KIAA1217: variants seen among roughly 807,000 people sequenced by gnomAD.
KIAA1217 encodes sickle tail protein homolog.
A neutral mutation model predicts 163.9 loss-of-function variants in KIAA1217; 88 were observed. The observed-to-expected ratio is 0.54, with a 90% CI of 0.45 to 0.64. The LOEUF is 0.64. KIAA1217 is among the 30% of genes least tolerant of loss of function. The probability of loss-of-function intolerance (pLI) is 0.00; values close to 1 mark genes in which losing one functional copy is unlikely to be tolerated. For missense variants in KIAA1217, 2,372 were observed against 2,475.0 expected (o/e 0.96, Z 0.88); for synonymous variants, 903 against 923.1 (o/e 0.98, Z 0.39).
chr10:23,984,693 A>C (rs536408759), intron 1 of KIAA1217, among the ~76,000 whole-genome samples: 1 of 152,084 alleles, frequency 6.6e-6, no homozygotes, highest in East Asian at 1.9e-4. Flanking sequence ...GTTCTCACTC[A>C]TAAGTGGGAG....
At chr10:23,848,262 A>G (rs1839136312) in intron 1 of KIAA1217, among the ~76,000 whole-genome samples, 2 of 152,014 alleles carry the variant, frequency 1.3e-5, no homozygotes, top group East Asian at 3.9e-4. Flanking sequence ...ACTCCTGATT[A>G]TCCTTGTTAA....
At chr10:24,103,009 G>A (rs536573256) in intron 2 of KIAA1217, among the ~76,000 whole-genome samples, 43 of 152,290 alleles carry the variant, frequency 2.8e-4, no homozygotes, top group African/African-American at 1.0e-3. Flanking sequence ...GCTGCCATGT[G>A]AGATGTGACT....
At chr10:23,716,973 C>T (rs1837611973) in intron 1 of KIAA1217, among the ~76,000 whole-genome samples, 1 of 151,962 alleles carries the variant, frequency 6.6e-6, no homozygotes, top group Non-Finnish European at 1.5e-5. Flanking sequence ...TCTCCCATGC[C>T]TGTCATAGTC....
chr10:24,318,964 G>A (rs560589627), intron 2 of KIAA1217, among the ~76,000 whole-genome samples: 1 of 152,326 alleles, frequency 6.6e-6, no homozygotes, highest in South Asian at 2.1e-4. Context: ...TGCACGGTTT[G>A]GGAGCTGCAG....
intron 2 of KIAA1217, among the ~76,000 whole-genome samples, chr10:24,054,948 A>T (rs1849781059): frequency 6.6e-6 from 1 of 152,174 alleles, no homozygotes; most frequent in South Asian, 2.1e-4. Context: ...TTTGTTATGC[A>T]GCACATGACT....
intron 1 of KIAA1217, among the ~76,000 whole-genome samples, chr10:23,719,378 C>G (rs11013657): frequency 6.6e-6 from 1 of 151,960 alleles, no homozygotes; most frequent in African/African-American, 2.4e-5. Context: ...GCCAGGCATT[C>G]AAGACCAGCC....
intron 2 of KIAA1217, among the ~76,000 whole-genome samples, chr10:24,276,940 G>T (rs11014003): frequency 2.6e-5 from 4 of 151,398 alleles, no homozygotes; most frequent in Admixed American, 2.6e-4. Flanking sequence ...AATAAAAATC[G>T]TAGAGATGGG....
intron 3 of KIAA1217, among the ~76,000 whole-genome samples, chr10:24,420,879 G>A (rs759254207): frequency 6.6e-6 from 1 of 152,150 alleles, no homozygotes; most frequent in Non-Finnish European, 1.5e-5. Flanking sequence ...AGTCTTGTTT[G>A]TCCTATCCGT....
chr10:24,175,466 T>TGTG, intron 2 of KIAA1217, among the ~76,000 whole-genome samples: 1 of 151,866 alleles, frequency 6.6e-6, no homozygotes, highest in African/African-American at 2.4e-5. Flanking sequence ...TGTGTGTGTG[T>TGTG]TTATTGTTTT....
chr10:23,798,497 A>G (rs1836313462), intron 1 of KIAA1217, among the ~76,000 whole-genome samples: 1 of 152,180 alleles, frequency 6.6e-6, no homozygotes, highest in South Asian at 2.1e-4. Context: ...TTTTTAAAGA[A>G]GATATATCCC....
At chr10:24,361,079 T>G (rs2049925347) in intron 2 of KIAA1217, among the ~76,000 whole-genome samples, 1 of 152,224 alleles carries the variant, frequency 6.6e-6, no homozygotes, top group African/African-American at 2.4e-5. Context: ...CATAGAATAC[T>G]TGTGTTAATA....
intron 2 of KIAA1217, among the ~76,000 whole-genome samples, chr10:24,054,998 G>A (rs1204751889): frequency 6.6e-6 from 1 of 152,148 alleles, no homozygotes; most frequent in African/African-American, 2.4e-5. Flanking sequence ...TGGGCATGGT[G>A]GCTCATACCT....
At chr10:24,391,333 CTTTTTTTT>C (rs768727392) in intron 3 of KIAA1217, among the ~76,000 whole-genome samples, 6 of 29,890 alleles carry the variant, frequency 2.0e-4, no homozygotes, top group Admixed American at 3.7e-4. Context: ...TTCTTTCTTT[CTTTTTTTT>C]TTTTTTTTTT....
chr10:24,104,944 C>G (rs2131727554), intron 2 of KIAA1217, among the ~76,000 whole-genome samples: 1 of 152,264 alleles, frequency 6.6e-6, no homozygotes, highest in South Asian at 2.1e-4. Flanking sequence ...CTGGAATAAT[C>G]AAAGTGGTTT....
chr10:24,239,596 A>G (rs78991576), intron 2 of KIAA1217, among the ~76,000 whole-genome samples: 4,313 of 151,018 alleles, frequency 0.029, 174 homozygotes, highest in African/African-American at 0.092. Context: ...GAATACTGCT[A>G]TAAAAGTGCC....
intron 1 of KIAA1217, among the ~76,000 whole-genome samples, chr10:23,758,419 C>T (rs1297129679): frequency 1.3e-5 from 2 of 152,068 alleles, no homozygotes; most frequent in African/African-American, 2.4e-5. Context: ...GTCTGTATGT[C>T]GATGCCAGCA....
At chr10:24,233,433 A>C (rs1246665875) in intron 2 of KIAA1217, among the ~76,000 whole-genome samples, 4 of 152,206 alleles carry the variant, frequency 2.6e-5, no homozygotes, top group Non-Finnish European at 4.4e-5. Flanking sequence ...TCAAATTTCA[A>C]CATGAGATTT....
intron 1 of KIAA1217, among the ~76,000 whole-genome samples, chr10:23,824,658 A>AAAAAAATATAT (rs1837805755): frequency 1.9e-5 from 1 of 53,040 alleles, no homozygotes; most frequent in Non-Finnish European, 3.6e-5. Flanking sequence ...AAATAAAAAA[A>AAAAAAATATAT]ATATATATAT....
intron 2 of KIAA1217, among the ~76,000 whole-genome samples, chr10:24,278,815 A>G (rs2132148195): frequency 6.6e-6 from 1 of 150,992 alleles, no homozygotes; most frequent in African/African-American, 2.4e-5. Context: ...AACTGTGAAG[A>G]CTGAGTAATT....
Sources: gnomAD v4.1 joint callset for allele counts (sites outside exome capture counted in the v4.1 genomes callset) on GRCh38, gnomAD v4.1.1 for gene constraint, MANE v1.5 for transcripts, NCBI Gene and HGNC (gene_info 2026-07-23, HGNC 2026-07-21) for gene names.